EIF2A: variants seen among roughly 807,000 people sequenced by gnomAD.
EIF2A encodes 65 kDa eukaryotic translation initiation factor 2A.
EIF2A carries 62 observed loss-of-function variants against 75.2 expected under a neutral mutation model. That is an observed-to-expected ratio of 0.82 (90% CI 0.67 to 1.02). The LOEUF (loss-of-function observed/expected upper bound fraction) is 1.02. EIF2A is among the 50% of genes least tolerant of loss of function. EIF2A has a pLI of 0.00. For synonymous variants in EIF2A, 207 were observed against 239.0 expected, an observed-to-expected ratio of 0.87 and a Z score of 1.23; for missense variants, 611 against 677.7, an observed-to-expected ratio of 0.90 and a Z score of 1.09.
intron 1 of EIF2A, among the ~76,000 whole-genome samples, chr3:150,548,984 A>C (rs1023415052): frequency 1.3e-5 from 2 of 152,188 alleles, no homozygotes; most frequent in African/African-American, 4.8e-5. Flanking sequence ...TCAACAATAG[A>C]TTATTTTACT....
intron 7 of EIF2A, 43 bp from the exon 8 acceptor site, chr3:150,567,859 T>G (rs1464096052): frequency 1.3e-6 from 2 of 1,580,446 alleles, no homozygotes; most frequent in East Asian, 2.2e-5. Flanking sequence ...TCAGTTTTTA[T>G]TCTTCAAAAA....
intron 6 of EIF2A, chr3:150,565,103 G>A: frequency 4.5e-6 from 2 of 442,012 alleles, no homozygotes; most frequent in Non-Finnish European, 9.1e-6. Context: ...AAGGTTATTT[G>A]TCTTTCACGT....
At chr3:150,577,263 G>A (rs972697662) in intron 11 of EIF2A, among the ~76,000 whole-genome samples, 1 of 152,000 alleles carries the variant, frequency 6.6e-6, no homozygotes, top group African/African-American at 2.4e-5. Flanking sequence ...CTATTACATT[G>A]GGTATTAGGT....
chr3:150,573,817 C>T (rs1220066837), intron 10 of EIF2A, among the ~76,000 whole-genome samples: 3 of 152,058 alleles, frequency 2.0e-5, no homozygotes, highest in East Asian at 3.9e-4. Flanking sequence ...TGTTGGGGTT[C>T]GTCCCTCACA....
chr3:150,577,684 G>A (rs1724951721), intron 11 of EIF2A, among the ~76,000 whole-genome samples: 1 of 151,250 alleles, frequency 6.6e-6, no homozygotes, highest in African/African-American at 2.4e-5. Flanking sequence ...GCCTCCCAAA[G>A]TGCTTGGATT....
intron 12 of EIF2A, among the ~76,000 whole-genome samples, chr3:150,582,822 A>G (rs1242444664): frequency 6.6e-6 from 1 of 152,100 alleles, no homozygotes; most frequent in Non-Finnish European, 1.5e-5. Context: ...TCTTTCATTC[A>G]CTTTTTATCG....
intron 11 of EIF2A, among the ~76,000 whole-genome samples, chr3:150,576,981 G>C (rs1188302330): frequency 1.3e-5 from 2 of 152,162 alleles, no homozygotes; most frequent in African/African-American, 4.8e-5. Flanking sequence ...AATTCAGGTA[G>C]AGTACATGTC....
chr3:150,575,599 G>C, intron 10 of EIF2A, 50 bp from the exon 11 acceptor site: 2 of 1,319,536 alleles, frequency 1.5e-6, no homozygotes, highest in South Asian at 1.4e-5. Context: ...TGTTGTTGTA[G>C]GTGTTTACAA....
chr3:150,555,834 G>A (rs999700771), intron 2 of EIF2A, among the ~76,000 whole-genome samples: 1 of 152,190 alleles, frequency 6.6e-6, no homozygotes, highest in Non-Finnish European at 1.5e-5. Flanking sequence ...AAATGAGACA[G>A]GGAAGGAGTT....
Position 150,567,956 on chromosome 3 carries a change from C to A in EIF2A, c.604C>A (p.Gln202Lys). 1 of 1,613,458 alleles carries A rather than the reference C, an allele frequency of 6.2e-7. No homozygotes were observed. The highest frequency in any genetic ancestry group is 8.5e-7 in the Non-Finnish European group (1 of 1,179,724). Residue 202 changes from glutamine to lysine, a missense_variant, in exon 8 of 14, where the codon CAG (glutamine) becomes AAG (lysine). Transcript: ENST00000460851. ...TGCACCTTCATTTGTTAGATTATAT[C>A]AGTACCCCAACTTTGCTGGACCTCA... Reference protein sequence around the residue: ...KGAPSFVRLYQYPNFAGPHAA... With the variant: ...KGAPSFVRLYKYPNFAGPHAA...
chr3:150,568,667 A>G (rs1724331669), intron 9 of EIF2A, among the ~76,000 whole-genome samples: 1 of 152,040 alleles, frequency 6.6e-6, no homozygotes, highest in Non-Finnish European at 1.5e-5. Flanking sequence ...TAATTCCAAC[A>G]CATTTTGGGA....
rs1361195687 is a variant in EIF2A, at chr3:150,583,727, A to G, written c.1693-119A>G. Reference sequence around the variant, plus strand: ...AGAATTTGTTTCTAACCTGTATTTTAAAATCTGTGTTTACTAGTGAACATA... The same window carrying G: ...AGAATTTGTTTCTAACCTGTATTTTGAAATCTGTGTTTACTAGTGAACATA... On this transcript the variant is annotated intron_variant, in intron 13 of 13. Transcript: ENST00000460851. 1.2e-5 allele frequency: 11 copies of G among 911,102 alleles called. No homozygotes were observed. The Admixed American group carries it at 2.7e-4, about 22-fold the overall frequency. 56.4% of individuals were successfully genotyped at this position (911,102 alleles called of 1,614,324 possible). A position where few individuals can be genotyped will look rare whatever the true frequency, so the allele number is the denominator to read the frequency against.
At chr3:150,583,702 A>C in intron 13 of EIF2A, 144 bp from the exon 14 acceptor site, 1 of 752,380 alleles carries the variant, frequency 1.3e-6, no homozygotes, top group Non-Finnish European at 2.1e-6. Flanking sequence ...ATAACAAATT[A>C]GAATTTGTTT....
intron 2 of EIF2A, among the ~76,000 whole-genome samples, chr3:150,555,832 C>G (rs2107909509): frequency 6.6e-6 from 1 of 152,070 alleles, no homozygotes; most frequent in African/African-American, 2.4e-5. Flanking sequence ...GGAAATGAGA[C>G]AGGGAAGGAG....
Position 150,552,404 on chromosome 3 carries a change from C to T in EIF2A, c.77C>T (p.Thr26Ile). The T allele has an allele frequency of 6.4e-7, 1 of 1,553,288 alleles. No homozygotes were observed. The highest frequency in any genetic ancestry group is 8.7e-7 in the Non-Finnish European group (1 of 1,147,502). The change falls in exon 2 of 14, where the codon ACA becomes ATA. Residue 26 changes from threonine to isoleucine, a missense_variant. By Grantham distance (89) the Thr-to-Ile change is moderately conservative. Coordinates refer to ENST00000460851, the MANE Select transcript of EIF2A (RefSeq NM_032025.5). ...LYMVNGPPHF[T>I]ESTVFPRESG... ...ATGGTGAATGGACCACCACATTTTA[C>T]AGAAAGCACAGTGTTTCCAAGGTAT...
At chr3:150,558,865 T>C (rs1723705801) in intron 3 of EIF2A, 1 of 152,994 alleles carries the variant, frequency 6.5e-6, no homozygotes, top group African/African-American at 2.4e-5. Context: ...CCTGCAGTTA[T>C]TATTATTAGT....
intron 1 of EIF2A, among the ~76,000 whole-genome samples, chr3:150,549,910 T>C (rs1723233786): frequency 6.6e-6 from 1 of 152,122 alleles, no homozygotes. Flanking sequence ...AACTAATACA[T>C]AGTTCAGTGA....
At chr3:150,577,578 TTTGGTTTTGGC>T (rs1724946907) in intron 11 of EIF2A, among the ~76,000 whole-genome samples, 2 of 151,768 alleles carry the variant, frequency 1.3e-5, no homozygotes, top group Non-Finnish European at 2.9e-5. Context: ...GTTTTTTTGG[TTTGGTTTTGGC>T]TTGGTTTTTT....
At chr3:150,548,295 C>G (rs561463315) in intron 1 of EIF2A, among the ~76,000 whole-genome samples, 1 of 152,282 alleles carries the variant, frequency 6.6e-6, no homozygotes, top group Non-Finnish European at 1.5e-5. Flanking sequence ...CTCTGTGAAG[C>G]CTTTCGTCAC....
Sources: allele counts gnomAD v4.1 joint callset (sites outside exome capture counted in the v4.1 genomes callset), GRCh38; gene constraint gnomAD v4.1.1; transcripts MANE v1.5; gene names NCBI Gene and HGNC (gene_info 2026-07-23, HGNC 2026-07-21).